The following SNX29 variants were observed in gnomAD, a reference collection of about 807,000 sequenced individuals.
SNX29 encodes the protein sorting nexin-29.
SNX29 carries 78 observed loss-of-function variants against 102.1 expected under a neutral mutation model. The observed-to-expected ratio is 0.76, with a 90% CI of 0.64 to 0.92. SNX29 has a LOEUF of 0.92. Ranked by LOEUF, SNX29 falls within the 40% of genes least tolerant of loss-of-function variation. The pLI is 0.00. For missense variants in SNX29, 1,280 were observed against 1,061.7 expected, an observed-to-expected ratio of 1.21 and a Z score of -2.86; for synonymous variants, 580 against 414.5, an observed-to-expected ratio of 1.40 and a Z score of -4.85.
intron 18 of SNX29, among the ~76,000 whole-genome samples, chr16:12,449,934 A>G (rs1275536072): frequency 6.6e-6 from 1 of 152,132 alleles, no homozygotes; most frequent in Non-Finnish European, 1.5e-5. Context: ...AGCTTCCATA[A>G]TTCCCCACGT....
chr16:12,127,660 A>T (rs2054276959), intron 12 of SNX29, among the ~76,000 whole-genome samples: 1 of 152,104 alleles, frequency 6.6e-6, no homozygotes, highest in African/African-American at 2.4e-5. Flanking sequence ...GAGCTTCAGT[A>T]ATCTGCCCAC....
intron 3 of SNX29, among the ~76,000 whole-genome samples, chr16:12,018,153 A>G (rs891085701): frequency 6.6e-6 from 1 of 152,148 alleles, no homozygotes; most frequent in Non-Finnish European, 1.5e-5. Context: ...TTTGGGAAAA[A>G]TTGATGTTTT....
intron 20 of SNX29, among the ~76,000 whole-genome samples, chr16:12,537,151 C>G (rs572294835): frequency 1.3e-4 from 20 of 152,254 alleles, no homozygotes; most frequent in Non-Finnish European, 2.4e-4. Context: ...GGCTGGGACT[C>G]TGGGATCTTG....
At chr16:12,095,358 A>G (rs752042908) in intron 11 of SNX29, 5 of 152,174 alleles carry the variant, frequency 3.3e-5, no homozygotes, top group Non-Finnish European at 5.9e-5. Flanking sequence ...GCCACATTGG[A>G]GCCACCAGGG....
In SNX29 at chr16:12,538,291, TTTTG is replaced by T. The variant is rs530139176; in HGVS notation, c.2318+13454_2318+13457del. ...CCACCACACCTGGCTAATTTTGTAT[TTTTG>T]TTTTTTAGTAGAGAGGGGGTTTCAC... On this transcript the variant is annotated intron_variant, in intron 20 of 20. Transcript: ENST00000566228. 9.1e-4 allele frequency among the ~76,000 whole-genome samples: 138 copies of T among 152,254 alleles called. 1 individual carries two copies. The highest frequency in any genetic ancestry group is 1.4e-3 in the Non-Finnish European group (95 of 68,022).
At chr16:12,283,670 C>T (rs914091797) in intron 15 of SNX29, among the ~76,000 whole-genome samples, 4 of 152,198 alleles carry the variant, frequency 2.6e-5, no homozygotes, top group African/African-American at 9.7e-5. Flanking sequence ...TTAGCTCTTC[C>T]TCATGCCAAG....
chr16:12,022,000 AG>A (rs35168697), intron 3 of SNX29, among the ~76,000 whole-genome samples: 56,498 of 151,454 alleles, frequency 0.37, 11,976 homozygotes, highest in Non-Finnish European at 0.48. Flanking sequence ...CTTGGTGGAC[AG>A]TTTCAAATGC....
chr16:12,537,714 G>A (rs2077138875), intron 20 of SNX29, among the ~76,000 whole-genome samples: 1 of 152,086 alleles, frequency 6.6e-6, no homozygotes, highest in African/African-American at 2.4e-5. Flanking sequence ...TGGAAAAAGG[G>A]AAGCAGAGTA....
intron 16 of SNX29, among the ~76,000 whole-genome samples, chr16:12,395,630 C>G (rs2083691571): frequency 6.6e-6 from 1 of 152,158 alleles, no homozygotes; most frequent in Non-Finnish European, 1.5e-5. Context: ...TTGCTGATGG[C>G]TGGTTTGTGC....
At chr16:12,537,467 C>G (rs190338310) in intron 20 of SNX29, among the ~76,000 whole-genome samples, 1 of 149,494 alleles carries the variant, frequency 6.7e-6, no homozygotes, top group African/African-American at 2.4e-5. Flanking sequence ...CCTCAGCATC[C>G]TCATCTATAA....
chr16:12,551,512 A>AG (rs1490608475), intron 20 of SNX29, among the ~76,000 whole-genome samples: 4 of 152,216 alleles, frequency 2.6e-5, no homozygotes, highest in African/African-American at 9.6e-5. Flanking sequence ...CCTCAGCATC[A>AG]GGATCTTTTT....
chr16:12,196,037 T>C lies in SNX29; in HGVS notation c.1596-3564T>C, dbSNP rs371908018. On this transcript the variant is annotated intron_variant, in intron 13 of 20. Transcript: ENST00000566228. Reference sequence around the variant, plus strand: ...CAAGGTCTTACTCTGTCACCCAGGCTGGATCTTTGTTCACTGCAACCTCCA... The same window carrying C: ...CAAGGTCTTACTCTGTCACCCAGGCCGGATCTTTGTTCACTGCAACCTCCA... 1.2e-4 allele frequency among the ~76,000 whole-genome samples: 18 copies of C among 148,580 alleles called. No homozygotes were observed. The East Asian group carries it at 2.2e-3, about 18-fold the overall frequency.
rs987141727 is a variant in SNX29, at chr16:12,569,172, A to G, written c.*543A>G. On this transcript the variant is annotated 3_prime_UTR_variant, in exon 21 of 21. Transcript: ENST00000566228. The stretch of plus-strand genomic sequence containing the variant: ...GGTTCCTTTCACTGCATTTTCCACC[A>G]ACAGTCATTAGACACCTGGCACTGT... The G allele has an allele frequency of 4.6e-6, 1 of 216,514 alleles. No homozygotes were observed. Among genetic ancestry groups the G allele is most frequent in the Non-Finnish European group, 9.1e-6 (1 of 109,572 alleles). The allele number at this position is 216,514 out of a possible 1,614,324, so 13.4% of individuals were successfully genotyped here.
At chr16:12,023,577 CA>C (rs542942692) in intron 3 of SNX29, among the ~76,000 whole-genome samples, 213 of 135,290 alleles carry the variant, frequency 1.6e-3, no homozygotes, top group African/African-American at 4.1e-3. Flanking sequence ...GACCCTGTCT[CA>C]AAAAAAAAAA....
In SNX29 at chr16:12,461,988, T is replaced by A. The variant is rs1220425896; in HGVS notation, c.2038-15731T>A. Among the ~76,000 whole-genome samples the A allele has an allele frequency of 6.1e-3, 356 of 58,068 alleles. 7 individuals carry two copies. The highest frequency in any genetic ancestry group is 0.034 in the African/African-American group (311 of 9,202). The allele number at this position is 58,068 out of a possible 152,430, so 38.1% of individuals were successfully genotyped here. A position where few individuals can be genotyped will look rare whatever the true frequency, so the allele number is the denominator to read the frequency against. On this transcript the variant is annotated intron_variant, in intron 18 of 20. Coordinates refer to ENST00000566228, the MANE Select transcript of SNX29 (RefSeq NM_032167.5). ...AAAAAAAAAAAAAAAAATATATATA[T>A]ATATATATATATATATATATATATG...
chr16:12,036,460 A>G (rs2057477247), intron 4 of SNX29, among the ~76,000 whole-genome samples: 3 of 148,850 alleles, frequency 2.0e-5, no homozygotes, highest in South Asian at 2.1e-4. Flanking sequence ...TCTGCCTCCC[A>G]AGTAGCTGGG....
At chr16:12,540,346 G>A (rs564233892) in intron 20 of SNX29, among the ~76,000 whole-genome samples, 5 of 152,268 alleles carry the variant, frequency 3.3e-5, no homozygotes, top group East Asian at 1.9e-4. Context: ...AAAGAGGAAC[G>A]TTATCCCCTG....
intron 19 of SNX29, among the ~76,000 whole-genome samples, chr16:12,505,862 G>T (rs989620438): frequency 6.7e-6 from 1 of 150,048 alleles, no homozygotes; most frequent in Non-Finnish European, 1.5e-5. Flanking sequence ...ATGATATTAA[G>T]TCTTCCCAGC....
intron 13 of SNX29, among the ~76,000 whole-genome samples, chr16:12,186,881 G>GT (rs1361368895): frequency 6.6e-6 from 1 of 152,214 alleles, no homozygotes; most frequent in African/African-American, 2.4e-5. Flanking sequence ...ACTATAGCAA[G>GT]TAGACTTCTG....
Sources: allele counts gnomAD v4.1 joint callset (sites outside exome capture counted in the v4.1 genomes callset), GRCh38; gene constraint gnomAD v4.1.1; transcripts MANE v1.5; gene names NCBI Gene and HGNC (gene_info 2026-07-23, HGNC 2026-07-21).